Variants in MARVELD3 observed in about 807,000 individuals in gnomAD.
MARVELD3 encodes the protein MARVEL domain-containing protein 3.
A neutral mutation model predicts 33.5 loss-of-function variants in MARVELD3; 28 were observed. The observed-to-expected ratio is 0.84, with a 90% CI of 0.62 to 1.15. MARVELD3 has a LOEUF of 1.15. Ranked by LOEUF, MARVELD3 falls within the 50% of genes most tolerant of loss-of-function variation. MARVELD3 has a pLI of 0.00. For missense variants in MARVELD3, 582 were observed against 547.6 expected (o/e 1.06, Z -0.63); for synonymous variants, 241 against 230.4 (o/e 1.05, Z -0.42).
chr16:71,638,640 T>C (rs998713335), downstream of MARVELD3: 1 of 152,230 alleles, frequency 6.6e-6, no homozygotes, highest in African/African-American at 2.4e-5. Flanking sequence ...GAAATATAGA[T>C]TTGCAAGAAG....
At chr16:71,640,868 A>G (rs747561456), downstream of MARVELD3, 6 of 1,614,130 alleles carry the variant, frequency 3.7e-6, no homozygotes, top group Non-Finnish European at 5.1e-6. Flanking sequence ...GCACCGACGG[A>G]GCAGCAGCCA....
chr16:71,641,233 G>A (rs8058188), downstream of MARVELD3: 417,079 of 586,418 alleles, frequency 0.71, 149,832 homozygotes, highest in African/African-American at 0.79. Flanking sequence ...TGGGCGGATC[G>A]CTTGAGGTCA....
downstream of MARVELD3, chr16:71,640,696 T>C (rs762292191): frequency 5.0e-6 from 8 of 1,614,098 alleles, no homozygotes; most frequent in South Asian, 8.8e-5. Context: ...AAGTGGCTCC[T>C]CACGGAGGCC....
intron 1 of MARVELD3, 119 bp from the exon 2 acceptor site, chr16:71,629,248 G>A (rs2044503604): frequency 3.4e-6 from 4 of 1,190,410 alleles, no homozygotes; most frequent in Non-Finnish European, 4.5e-6. Context: ...AAAATACCGG[G>A]ACAAATTCTA....
chr16:71,641,477 A>T (rs527516357), exon 3 of MARVELD3: 109 of 163,304 alleles, frequency 6.7e-4, no homozygotes, highest in South Asian at 1.2e-3. Flanking sequence ...AATTCCAGCT[A>T]CTCTGGAGGC....
At chr16:71,640,626 G>C (rs753635994), downstream of MARVELD3, 8 of 1,614,232 alleles carry the variant, frequency 5.0e-6, no homozygotes, top group Non-Finnish European at 3.4e-6. Flanking sequence ...TCTGGGTCTG[G>C]GGGTCCTCAC....
At chr16:71,628,332 C>T (rs897861460) in intron 1 of MARVELD3, among the ~76,000 whole-genome samples, 1 of 152,104 alleles carries the variant, frequency 6.6e-6, no homozygotes, top group Non-Finnish European at 1.5e-5. Context: ...GTAAGGAGTT[C>T]GAGACCAGCC....
In MARVELD3 at chr16:71,626,867, T is replaced by C. The variant is rs553529276; in HGVS notation, c.467+171T>C. ...GCGACCTGGCAGGGAAGGAAAACTT[T>C]AGGGTTCCCCCTTCTCGTGGCCTGA... On this transcript the variant is annotated intron_variant, in intron 1 of 2. Coordinates refer to ENST00000268485, the MANE Select transcript of MARVELD3 (RefSeq NM_052858.6). The surrounding 1 kb of genome is among the most constrained non-coding windows in gnomAD (Gnocchi z 5.3). 98 of 583,656 alleles carry C rather than the reference T, an allele frequency of 1.7e-4. 3 individuals are homozygous for C. In the South Asian group the frequency reaches 3.0e-3, roughly 18 times the overall value. 36.2% of individuals were successfully genotyped at this position (583,656 alleles called of 1,614,324 possible).
Position 71,634,954 on chromosome 16 carries a change from G to T in MARVELD3, c.*151G>T. On this transcript the variant is annotated 3_prime_UTR_variant, in exon 3 of 3. Transcript: ENST00000268485. Reference sequence around the variant, plus strand: ...GGTGGGCGGAGCTCCCAGTCGCATGGAGCGGTGTTCATGGATGCAACAGAC... The same window carrying T: ...GGTGGGCGGAGCTCCCAGTCGCATGTAGCGGTGTTCATGGATGCAACAGAC... 7.0e-7 allele frequency: 1 copy of T among 1,430,540 alleles called. No individual in the cohort carries two copies. Among genetic ancestry groups the T allele is most frequent in the Non-Finnish European group, 9.1e-7 (1 of 1,094,630 alleles). 88.6% of individuals were successfully genotyped at this position (1,430,540 alleles called of 1,614,324 possible).
In MARVELD3 at chr16:71,635,750, C is replaced by T. The variant is rs141313724; in HGVS notation, c.*947C>T. 1,542 of 985,398 alleles carry T rather than the reference C, an allele frequency of 1.6e-3. 2 individuals carry two copies. The highest frequency in any genetic ancestry group is 1.8e-3 in the Non-Finnish European group (1,456 of 829,940). 61.0% of individuals were successfully genotyped at this position (985,398 alleles called of 1,614,324 possible). ...ACTGAACTCTCCAGTCCTTCCACTT[C>T]CTTAATTCTGCAAATGGAGGGGGTG... On this transcript the variant is annotated 3_prime_UTR_variant, in exon 3 of 3. Coordinates refer to ENST00000268485, the MANE Select transcript of MARVELD3 (RefSeq NM_052858.6).
chr16:71,627,367 G>A (rs889914460), intron 1 of MARVELD3, among the ~76,000 whole-genome samples: 1 of 152,190 alleles, frequency 6.6e-6, no homozygotes, highest in Admixed American at 6.5e-5. Context: ...AGCCAGGCGT[G>A]ATGGCAGATG....
chr16:71,630,202 C>T (rs542457411), intron 2 of MARVELD3, among the ~76,000 whole-genome samples: 5 of 151,450 alleles, frequency 3.3e-5, no homozygotes, highest in East Asian at 3.9e-4. Context: ...GCCTGGCCAA[C>T]GTGGTGAGGA....
At chr16:71,638,090 T>C (rs2044593267), downstream of MARVELD3, 1 of 152,090 alleles carries the variant, frequency 6.6e-6, no homozygotes, top group African/African-American at 2.4e-5. Flanking sequence ...CATTTGTATT[T>C]CTCTTCATGC....
chr16:71,639,421 C>T (rs918811193), downstream of MARVELD3: 3 of 146,860 alleles, frequency 2.0e-5, no homozygotes, highest in Non-Finnish European at 4.5e-5. Context: ...TCATTCAAGT[C>T]ATTGCATGTA....
rs545518270 is a variant in MARVELD3 at position 71,634,360 on chromosome 16, G to C, written c.763G>C (p.Ala255Pro). ...SGFDGADGEKAQQLDVQFYQL... is the reference protein window; with the variant it reads ...SGFDGADGEKPQQLDVQFYQL... ...CTTTGATGGTGCTGACGGGGAGAAG[G>C]CCCAGCAACTGGATGTCCAGTTCTA... The change falls in exon 3 of 3, where the codon GCC becomes CCC. Residue 255 changes from alanine (A) to proline (P), a missense_variant. Physicochemically the swap from Ala to Pro is conservative, Grantham distance 27. Transcript: ENST00000268485. The C allele has an allele frequency of 6.2e-6, 10 of 1,614,140 alleles. No individual in the cohort carries two copies. The East Asian group carries it at 1.6e-4, about 25-fold the overall frequency.
chr16:71,629,167 TG>T, intron 1 of MARVELD3, 199 bp from the exon 2 acceptor site: 1 of 525,558 alleles, frequency 1.9e-6, no homozygotes, highest in Non-Finnish European at 3.2e-6. Flanking sequence ...ATCTGTCACG[TG>T]GTTAGTGGAG....
downstream of MARVELD3, chr16:71,640,915 G>A: frequency 6.2e-7 from 1 of 1,614,142 alleles, no homozygotes; most frequent in African/African-American, 1.3e-5. Context: ...TACGGCGCCA[G>A]CGTGGTGCTG....
chr16:71,628,322 G>A (rs975925590), intron 1 of MARVELD3, among the ~76,000 whole-genome samples: 1 of 152,126 alleles, frequency 6.6e-6, no homozygotes, highest in Non-Finnish European at 1.5e-5. Context: ...ATCATTGGAG[G>A]TAAGGAGTTC....
chr16:71,633,636 C>G (rs2044553093), intron 2 of MARVELD3, among the ~76,000 whole-genome samples: 1 of 151,678 alleles, frequency 6.6e-6, no homozygotes, highest in Non-Finnish European at 1.5e-5. Context: ...CTCAAATGAT[C>G]CACCTGCCTT....
Sources: gnomAD v4.1 joint callset for allele counts (sites outside exome capture counted in the v4.1 genomes callset) on GRCh38, gnomAD v4.1.1 for gene constraint, Gnocchi (gnomAD v3.1) non-coding constraint, MANE v1.5 for transcripts, NCBI Gene and HGNC (gene_info 2026-07-23, HGNC 2026-07-21) for gene names.